Variants in JAZF1 observed in about 807,000 individuals in gnomAD.
The protein encoded by JAZF1 is JAZF zinc finger 1, also known as juxtaposed with another zinc finger protein 1.
JAZF1 carries 8 observed loss-of-function variants against 26.4 expected under a neutral mutation model. That is an observed-to-expected ratio of 0.30 (90% CI 0.18 to 0.55). The LOEUF is 0.55. Ranked by LOEUF, JAZF1 falls within the 20% of genes least tolerant of loss-of-function variation. The pLI is 0.94. For synonymous variants in JAZF1, 126 were observed against 122.3 expected (o/e 1.03, Z -0.20); for missense variants, 199 against 322.0 (o/e 0.62, Z 2.92).
At chr7:28,077,643 C>T (rs1784073033) in intron 1 of JAZF1, among the ~76,000 whole-genome samples, 1 of 152,166 alleles carries the variant, frequency 6.6e-6, no homozygotes, top group Non-Finnish European at 1.5e-5. Context: ...AAAGTGACCA[C>T]TTGTCTGACT....
chr7:28,036,276 G>T (rs1450330749), intron 1 of JAZF1, among the ~76,000 whole-genome samples: 1 of 152,222 alleles, frequency 6.6e-6, no homozygotes, highest in Non-Finnish European at 1.5e-5. Context: ...CTTCAGGTTA[G>T]AGTCAGTCTG....
At chr7:27,881,560 T>C (rs1034911033) in intron 3 of JAZF1, among the ~76,000 whole-genome samples, 9 of 152,098 alleles carry the variant, frequency 5.9e-5, no homozygotes, top group African/African-American at 1.9e-4. Context: ...ACAATAATGG[T>C]CCAGAACTTG....
chr7:28,033,571 A>T (rs1783230452), intron 1 of JAZF1, among the ~76,000 whole-genome samples: 1 of 152,220 alleles, frequency 6.6e-6, no homozygotes, highest in South Asian at 2.1e-4. Flanking sequence ...TAATGTGACC[A>T]CAGGGCACAC....
intron 3 of JAZF1, among the ~76,000 whole-genome samples, chr7:27,878,334 T>A (rs551340078): frequency 1.2e-3 from 181 of 152,034 alleles, no homozygotes; most frequent in African/African-American, 4.3e-3. Context: ...CCATGATCCA[T>A]TGAAAAATAT....
intron 1 of JAZF1, among the ~76,000 whole-genome samples, chr7:28,002,403 T>C (rs1376135844): frequency 6.6e-6 from 1 of 152,338 alleles, no homozygotes; most frequent in Non-Finnish European, 1.5e-5. Flanking sequence ...AGGCTTACTA[T>C]GACAATCGAC....
At chr7:27,882,599 G>A (rs529341348) in intron 3 of JAZF1, among the ~76,000 whole-genome samples, 9 of 152,338 alleles carry the variant, frequency 5.9e-5, no homozygotes, top group Non-Finnish European at 1.2e-4. Flanking sequence ...TCCTGGGACA[G>A]GAGCAGTGAG....
chr7:28,157,107 T>A (rs554395071), intron 1 of JAZF1, among the ~76,000 whole-genome samples: 17 of 152,290 alleles, frequency 1.1e-4, no homozygotes, highest in African/African-American at 4.1e-4. Flanking sequence ...CTCAATCTCC[T>A]CTCTCCTTCC....
intron 2 of JAZF1, among the ~76,000 whole-genome samples, chr7:27,972,364 G>C (rs1252546531): frequency 1.3e-5 from 2 of 152,232 alleles, no homozygotes; most frequent in African/African-American, 2.4e-5. Context: ...AAGGACAAGA[G>C]ACTTGGAGCA....
chr7:28,032,131 T>A (rs1783203538), intron 1 of JAZF1, among the ~76,000 whole-genome samples: 1 of 152,226 alleles, frequency 6.6e-6, no homozygotes, highest in Admixed American at 6.5e-5. Context: ...GTATGATCTA[T>A]GTTTATAGAA....
intron 2 of JAZF1, among the ~76,000 whole-genome samples, chr7:27,950,173 A>G (rs1424656621): frequency 6.6e-6 from 1 of 152,208 alleles, no homozygotes; most frequent in Non-Finnish European, 1.5e-5. Flanking sequence ...TGTATATCAA[A>G]ATATTTTGTA....
intron 1 of JAZF1, among the ~76,000 whole-genome samples, chr7:28,074,327 T>C (rs1311850319): frequency 6.6e-6 from 1 of 152,162 alleles, no homozygotes; most frequent in Admixed American, 6.5e-5. Context: ...AGTCATGGAA[T>C]AGAGAGGAAA....
chr7:27,938,946 G>A (rs955992361), intron 2 of JAZF1, among the ~76,000 whole-genome samples: 9 of 152,042 alleles, frequency 5.9e-5, no homozygotes, highest in Non-Finnish European at 8.8e-5. Context: ...TGGCCATAAT[G>A]ATTCTGTTTT....
intron 1 of JAZF1, among the ~76,000 whole-genome samples, chr7:28,084,110 A>G (rs1319406175): frequency 6.6e-6 from 1 of 152,166 alleles, no homozygotes; most frequent in Non-Finnish European, 1.5e-5. Flanking sequence ...ATCACACTGC[A>G]ACATTTTCTG....
At chr7:27,833,723 A>G (rs1329691418) in intron 4 of JAZF1, among the ~76,000 whole-genome samples, 24 of 152,346 alleles carry the variant, frequency 1.6e-4, no homozygotes, top group Non-Finnish European at 3.5e-4. Flanking sequence ...TCTGGATACT[A>G]AAGTTATCAA....
intron 1 of JAZF1, among the ~76,000 whole-genome samples, chr7:28,040,853 G>A (rs1783378234): frequency 1.3e-5 from 2 of 152,136 alleles, no homozygotes. Flanking sequence ...TCTCTAACAA[G>A]CTTTATCCCA....
intron 2 of JAZF1, among the ~76,000 whole-genome samples, chr7:27,951,672 T>A (rs1336821198): frequency 6.6e-6 from 1 of 152,190 alleles, no homozygotes; most frequent in Non-Finnish European, 1.5e-5. Context: ...TACTCAACAA[T>A]TCTTCCAAAG....
intron 1 of JAZF1, among the ~76,000 whole-genome samples, chr7:28,062,706 AGT>A (rs1337987242): frequency 6.6e-6 from 1 of 152,130 alleles, no homozygotes; most frequent in Non-Finnish European, 1.5e-5. Context: ...GTGGCTTCCG[AGT>A]GTGTCCTTCC....
At chr7:28,164,754 C>A (rs1783340730) in intron 1 of JAZF1, among the ~76,000 whole-genome samples, 1 of 152,192 alleles carries the variant, frequency 6.6e-6, no homozygotes, top group Non-Finnish European at 1.5e-5. Flanking sequence ...CTCCCCTGCC[C>A]CCATTTCTGG....
At chr7:27,986,845 C>T (rs367859019) in intron 2 of JAZF1, among the ~76,000 whole-genome samples, 6 of 152,116 alleles carry the variant, frequency 3.9e-5, no homozygotes, top group African/African-American at 9.7e-5. Flanking sequence ...TTGGTGGAGA[C>T]GGGGTTTCGC....
Sources: gnomAD v4.1 joint callset for allele counts (sites outside exome capture counted in the v4.1 genomes callset) on GRCh38, gnomAD v4.1.1 for gene constraint, MANE v1.5 for transcripts, NCBI Gene and HGNC (gene_info 2026-07-23, HGNC 2026-07-21) for gene names.